UBXN2A: variants seen among roughly 807,000 people sequenced by gnomAD.
The protein encoded by UBXN2A is UBX domain-containing protein 2A.
A neutral mutation model predicts 28.4 loss-of-function variants in UBXN2A; 28 were observed. The observed-to-expected ratio is 0.99, with a 90% CI of 0.73 to 1.35. The LOEUF (loss-of-function observed/expected upper bound fraction) is 1.35. Among genes scored for constraint, UBXN2A ranks in the 40% most tolerant of loss-of-function variants. The pLI, the probability that UBXN2A is intolerant of heterozygous loss-of-function variation, is 0.00. For synonymous variants in UBXN2A, 97 were observed against 103.6 expected, an observed-to-expected ratio of 0.94 and a Z score of 0.39; for missense variants, 253 against 297.9, an observed-to-expected ratio of 0.85 and a Z score of 1.11.
chr2:23,968,918 G>C (rs1383712100), intron 2 of UBXN2A: 1 of 131,676 alleles, frequency 7.6e-6, no homozygotes, highest in African/African-American at 2.9e-5. Flanking sequence ...TTTTGAGACA[G>C]AGTCTCTCTC....
chr2:23,967,514 T>C (rs1014737660), intron 2 of UBXN2A, among the ~76,000 whole-genome samples: 5 of 152,240 alleles, frequency 3.3e-5, no homozygotes, highest in Non-Finnish European at 7.3e-5. Flanking sequence ...ATATATATTT[T>C]CATTTAATCT....
At chr2:23,963,646 T>C (rs949024899) in intron 2 of UBXN2A, among the ~76,000 whole-genome samples, 3 of 152,086 alleles carry the variant, frequency 2.0e-5, no homozygotes, top group Non-Finnish European at 4.4e-5. Flanking sequence ...ACAAAAGAGC[T>C]AGTCCTGGTG....
intron 1 of UBXN2A, chr2:23,944,374 T>A: frequency 7.0e-7 from 1 of 1,421,290 alleles, no homozygotes. Context: ...ACCAGCATCA[T>A]CTTCCTACAC....
rs777073159 is a variant in UBXN2A, at chr2:23,971,372, G to A, written c.138G>A (p.Lys46=). The change falls in exon 3 of 7, where the codon AAG becomes AAA. Residue 46 remains lysine, a synonymous_variant. Transcript: ENST00000309033. Reference sequence around the variant, plus strand: ...ATAGCCTTTTTGAGGAAGCTCAGAAGGTTAGTTCCAAATGTGTGTCTCCCG... The same window carrying A: ...ATAGCCTTTTTGAGGAAGCTCAGAAAGTTAGTTCCAAATGTGTGTCTCCCG... ...FVDSLFEEAQ[K]VSSKCVSPAE... 5.1e-6 allele frequency: 8 copies of A among 1,575,138 alleles called. No homozygotes were observed. The highest frequency in any genetic ancestry group is 6.9e-6 in the Non-Finnish European group (8 of 1,151,672).
In UBXN2A at chr2:23,989,842, C is replaced by T. The variant is rs140936329; in HGVS notation, c.584+5011C>T. ...CACCTGTACCCTGGGGAGGTTGAGG[C>T]TGCAATAAGCTGTGATTGCACCACT... is the stretch of plus-strand genomic sequence containing the variant. On this transcript the variant is annotated intron_variant, in intron 6 of 6. Coordinates refer to ENST00000309033, the MANE Select transcript of UBXN2A (RefSeq NM_181713.4). Among the ~76,000 whole-genome samples, 35 of 152,134 alleles carry T rather than the reference C, an allele frequency of 2.3e-4. No individual in the cohort carries two copies. In the East Asian group the frequency reaches 4.3e-3, roughly 19 times the overall value.
chr2:23,929,980 C>T (rs951372642), intron 1 of UBXN2A, among the ~76,000 whole-genome samples: 2 of 152,106 alleles, frequency 1.3e-5, no homozygotes, highest in African/African-American at 4.8e-5. Flanking sequence ...CCTCCGCCTC[C>T]CAGGTTCAAG....
At chr2:23,964,709 T>C (rs1432850654) in intron 2 of UBXN2A, among the ~76,000 whole-genome samples, 1 of 152,194 alleles carries the variant, frequency 6.6e-6, no homozygotes, top group Non-Finnish European at 1.5e-5. Context: ...AACCACACTT[T>C]ATTGTTCACT....
At chr2:23,968,675 G>GA (rs759514933) in intron 2 of UBXN2A, among the ~76,000 whole-genome samples, 11,342 of 115,966 alleles carry the variant, frequency 0.098, 563 homozygotes, top group Middle Eastern at 0.14. Context: ...TCCGTCTCAG[G>GA]AAAAAAAAAA....
Position 23,940,868 on chromosome 2 carries a change from C to T in UBXN2A, c.-15+220C>T, listed in dbSNP as rs1252280180. On this transcript the variant is annotated intron_variant, in intron 1 of 6. Coordinates refer to ENST00000309033, the MANE Select transcript of UBXN2A (RefSeq NM_181713.4). ...CCCGCCCAGCCCAGGTGAGCGGCGA[C>T]CCCGAGCCCCTGACTCGCCTGCGGC... is the stretch of plus-strand genomic sequence containing the variant. 2.3e-4 allele frequency among the ~76,000 whole-genome samples: 21 copies of T among 92,436 alleles called. No individual in the cohort carries two copies. In the Admixed American group the frequency reaches 3.2e-3, roughly 14 times the overall value. 60.6% of individuals were successfully genotyped at this position (92,436 alleles called of 152,430 possible). A position where few individuals can be genotyped will look rare whatever the true frequency, so the allele number is the denominator to read the frequency against.
At chr2:23,978,794 T>C (rs1392131383) in intron 4 of UBXN2A, among the ~76,000 whole-genome samples, 3 of 151,674 alleles carry the variant, frequency 2.0e-5, no homozygotes, top group South Asian at 2.1e-4. Flanking sequence ...AAACCCCGTC[T>C]CTACTAAAAA....
At chr2:23,932,219 G>A (rs751388782) in intron 1 of UBXN2A, among the ~76,000 whole-genome samples, 1 of 151,854 alleles carries the variant, frequency 6.6e-6, no homozygotes, top group Non-Finnish European at 1.5e-5. Context: ...TCGAGAGGCC[G>A]AGGCAGGAGA....
chr2:23,970,305 A>G (rs1707359909), intron 2 of UBXN2A, among the ~76,000 whole-genome samples: 1 of 152,128 alleles, frequency 6.6e-6, no homozygotes, highest in Non-Finnish European at 1.5e-5. Flanking sequence ...AAAAAACAGA[A>G]CAAAAACACC....
At chr2:23,937,200 G>A (rs937894813), upstream of UBXN2A, among the ~76,000 whole-genome samples, 8 of 152,100 alleles carry the variant, frequency 5.3e-5, no homozygotes, top group Admixed American at 3.3e-4. Context: ...GTTCTAGCTA[G>A]AGCAGTTAGA....
chr2:23,981,348 C>A (rs2150891201), intron 4 of UBXN2A, among the ~76,000 whole-genome samples: 1 of 147,168 alleles, frequency 6.8e-6, no homozygotes, highest in South Asian at 2.2e-4. Flanking sequence ...CGTGGTGGCA[C>A]ACACCTATAG....
rs1708754184 is a variant in UBXN2A, at chr2:24,003,576, G to A, written c.*3709G>A. ...GGCAGAAGGCTCTTTTAATTAGGAA[G>A]AGAGGGAGGACAAAGGAGAGCCTTT... On this transcript the variant is annotated 3_prime_UTR_variant, in exon 7 of 7. Coordinates refer to ENST00000309033, the MANE Select transcript of UBXN2A (RefSeq NM_181713.4). 6.6e-6 allele frequency: 1 copy of A among 152,132 alleles called. No individual in the cohort carries two copies. The allele number at this position is 152,132 out of a possible 1,614,324, so 9.4% of individuals were successfully genotyped here.
chr2:23,962,411 G>GA (rs1323174652), intron 2 of UBXN2A, among the ~76,000 whole-genome samples: 1 of 151,774 alleles, frequency 6.6e-6, no homozygotes, highest in Non-Finnish European at 1.5e-5. Context: ...TATGGAATGG[G>GA]AAAAAAATAT....
chr2:23,956,983 A>G (rs1471651723), intron 1 of UBXN2A, among the ~76,000 whole-genome samples: 14 of 152,242 alleles, frequency 9.2e-5, no homozygotes, highest in Admixed American at 9.2e-4. Context: ...CTATTTGCAG[A>G]TAACGTATGC....
At chr2:23,938,669 A>G (rs1345145247), upstream of UBXN2A, among the ~76,000 whole-genome samples, 2 of 151,638 alleles carry the variant, frequency 1.3e-5, no homozygotes, top group Non-Finnish European at 2.9e-5. Flanking sequence ...AAACTTCCTG[A>G]TTTCTATACA....
intron 3 of UBXN2A, among the ~76,000 whole-genome samples, chr2:23,974,755 A>C (rs1012825279): frequency 1.3e-5 from 2 of 152,172 alleles, no homozygotes; most frequent in African/African-American, 2.4e-5. Flanking sequence ...AGGTGGGTGA[A>C]TCACTTGAGG....
Sources: allele counts gnomAD v4.1 joint callset (sites outside exome capture counted in the v4.1 genomes callset), GRCh38; gene constraint gnomAD v4.1.1; transcripts MANE v1.5; gene names NCBI Gene and HGNC (gene_info 2026-07-23, HGNC 2026-07-21).